The following EXO5 variants were observed in gnomAD, a reference collection of about 807,000 sequenced individuals.
EXO5 encodes exonuclease 5.
Under a neutral mutation model 17.8 loss-of-function variants are expected in EXO5, and 11 were observed. That is an observed-to-expected ratio of 0.62 (90% CI 0.39 to 1.02). EXO5 has a LOEUF of 1.02. Among genes scored for constraint, EXO5 ranks in the 50% least tolerant of loss-of-function variants. EXO5 has a pLI of 0.00. For synonymous variants in EXO5, 147 were observed against 166.5 expected, an observed-to-expected ratio of 0.88 and a Z score of 0.90; for missense variants, 364 against 434.8, an observed-to-expected ratio of 0.84 and a Z score of 1.45.
rs762026941 is a variant in EXO5 at position 40,514,930 on chromosome 1, A to T, written c.386A>T (p.His129Leu). ...SIHLARELELHDLVTVPVTTK... is the reference protein window; with the variant it reads ...SIHLARELELLDLVTVPVTTK... ...CACCTAGCTAGAGAACTAGAACTTC[A>T]TGATCTTGTGACTGTCCCAGTCACC... is the stretch of plus-strand genomic sequence containing the variant. The change falls in exon 4 of 4, where the codon CAT (histidine) becomes CTT (leucine). Residue 129 changes from histidine (H) to leucine (L), a missense_variant. Transcript: ENST00000415550. 6.2e-7 allele frequency: 1 copy of T among 1,614,170 alleles called. No homozygotes were observed. The highest frequency in any genetic ancestry group is 8.5e-7 in the Non-Finnish European group (1 of 1,180,026).
chr1:40,515,641 C>A lies in EXO5; in HGVS notation c.1097C>A (p.Ala366Glu). Residue 366 changes from alanine to glutamate, a missense_variant, in exon 4 of 4, where the codon GCG becomes GAG. Transcript: ENST00000415550. ...KGSGVLSSTL[A>E]PQVKKAK ...AGTGGAGTGCTCAGCTCTACACTGG[C>A]GCCCCAAGTCAAAAAAGCCAAATGA... 1 of 1,610,416 alleles carries A rather than the reference C, an allele frequency of 6.2e-7. No individual in the cohort carries two copies. Among genetic ancestry groups the A allele is most frequent in the Non-Finnish European group, 8.5e-7 (1 of 1,178,792 alleles).
rs114865185 is a variant in EXO5 at position 40,515,052 on chromosome 1, G to T, written c.508G>T (p.Gly170Trp). The T allele has an allele frequency of 5.5e-5, 88 of 1,614,126 alleles. No homozygotes were observed. In the African/African-American group the frequency reaches 1.1e-3, roughly 20 times the overall value. The change falls in exon 4 of 4, where the codon GGG becomes TGG. Residue 170 changes from glycine to tryptophan, a missense_variant. Gly to Trp is a radical substitution (Grantham distance 184, BLOSUM62 -2). Transcript: ENST00000415550. ...GCACATCAGAGAGTTTCCAGTGTTT[G>T]GGGAAGGGGAGGGTGTACTTCTTGT... ...EGHIREFPVF[G>W]EGEGVLLVGV...
In EXO5 at chr1:40,509,791, G is replaced by A. The variant is rs1314242804; in HGVS notation, c.-31+1G>A. ...AGGAGGAAGATCAACGAAGTCACAG[G>A]TGAATAGGAGTTTCTCTTCTAAAGT... On this transcript the variant is annotated splice_donor_variant, in intron 3 of 3. Transcript: ENST00000415550. LOFTEE classifies it low-confidence loss of function (5UTR_SPLICE). 1.3e-5 allele frequency: 2 copies of A among 152,234 alleles called. No homozygotes were observed. The highest frequency in any genetic ancestry group is 2.4e-5 in the African/African-American group (1 of 41,456). The allele number at this position is 152,234 out of a possible 1,614,324, so 9.4% of individuals were successfully genotyped here. A position where few individuals can be genotyped will look rare whatever the true frequency, so the allele number is the denominator to read the frequency against.
In EXO5 at chr1:40,514,996, T is replaced by C. The variant is rs35672330; in HGVS notation, c.452T>C (p.Leu151Pro). The C allele has an allele frequency of 0.056, 90,908 of 1,614,046 alleles. 2,900 individuals carry two copies. The highest frequency in any genetic ancestry group is 0.066 in the Non-Finnish European group (77,952 of 1,179,968). ...TGGGCAATTAAGTTTCTGAACATAC[T>C]TTTGCTGATTCCTACCCTGCAGTCA... ...DAWAIKFLNI[L>P]LLIPTLQSEG... The change falls in exon 4 of 4, where the codon CTT (leucine) becomes CCT (proline). Residue 151 changes from leucine to proline, a missense_variant. Physicochemically the swap from Leu to Pro is moderately conservative, Grantham distance 98. Transcript: ENST00000415550.
At chr1:40,511,941 G>T (rs4660413) in intron 3 of EXO5, among the ~76,000 whole-genome samples, 26 of 151,340 alleles carry the variant, frequency 1.7e-4, no homozygotes, top group African/African-American at 6.1e-4. Context: ...CACAGTGGTG[G>T]GATCTCAGCT....
At chr1:40,512,751 G>A (rs1413349664) in intron 3 of EXO5, among the ~76,000 whole-genome samples, 23 of 152,114 alleles carry the variant, frequency 1.5e-4, no homozygotes, top group Admixed American at 8.5e-4. Context: ...ACAGGTGCCC[G>A]CCACCACACC....
At chr1:40,512,120 G>C (rs980418450) in intron 3 of EXO5, among the ~76,000 whole-genome samples, 1 of 152,092 alleles carries the variant, frequency 6.6e-6, no homozygotes, top group African/African-American at 2.4e-5. Context: ...CTCATGATCC[G>C]CCCGCCTTGG....
intron 3 of EXO5, 143 bp from the exon 4 acceptor site, chr1:40,514,372 C>A: frequency 1.6e-6 from 1 of 627,658 alleles, no homozygotes; most frequent in Non-Finnish European, 2.7e-6. Context: ...CAAGGCATTA[C>A]TAATTGGTCA....
In EXO5 at chr1:40,515,726, G is replaced by A; in HGVS notation, c.*60G>A. On this transcript the variant is annotated 3_prime_UTR_variant, in exon 4 of 4. Transcript: ENST00000415550. ...CTGCTCCTGTTGTACCTAAGCAAAAGAGGACCAGTCTCTGAGCTTGGCTTT... is the reference window on the plus strand; with the variant it reads ...CTGCTCCTGTTGTACCTAAGCAAAAAAGGACCAGTCTCTGAGCTTGGCTTT... 6.5e-7 allele frequency: 1 copy of A among 1,527,378 alleles called. No individual in the cohort carries two copies. The highest frequency in any genetic ancestry group is 1.9e-4 in the Middle Eastern group (1 of 5,402). 94.6% of individuals were successfully genotyped at this position (1,527,378 alleles called of 1,614,324 possible). A position where few individuals can be genotyped will look rare whatever the true frequency, so the allele number is the denominator to read the frequency against.
In EXO5 at chr1:40,514,980, A is replaced by C. The variant is rs371429664; in HGVS notation, c.436A>C (p.Lys146Gln). 5 of 1,613,986 alleles carry C rather than the reference A, an allele frequency of 3.1e-6. No homozygotes were observed. The East Asian group carries it at 8.9e-5, about 29-fold the overall frequency. The change falls in exon 4 of 4, where the codon AAG becomes CAG. Residue 146 changes from lysine (K) to glutamine (Q), a missense_variant. Lys to Gln is a moderately conservative substitution (Grantham distance 53). Transcript: ENST00000415550. ...CACTAAAGAAGATGCTTGGGCAATT[A>C]AGTTTCTGAACATACTTTTGCTGAT... ...VTTKEDAWAI[K>Q]FLNILLLIPT...
intron 3 of EXO5, among the ~76,000 whole-genome samples, chr1:40,510,829 T>G (rs1437985482): frequency 6.6e-6 from 1 of 152,260 alleles, no homozygotes; most frequent in Non-Finnish European, 1.5e-5. Context: ...TACTAATGGC[T>G]ACCATATTGG....
At position 40,514,589 on chromosome 1, in the gene EXO5, A is replaced by G; in HGVS notation, c.45A>G (p.Ser15=). 6.2e-7 allele frequency: 1 copy of G among 1,614,156 alleles called. No individual in the cohort carries two copies. Among genetic ancestry groups the G allele is most frequent in the Non-Finnish European group, 8.5e-7 (1 of 1,180,012 alleles). ...AGGAGACAGTGTCAGCAGAAGCCTC[A>G]GGGTTCTCAGACTTGAGTGACTCAG... ...REEETVSAEA[S]GFSDLSDSEF... is the part of the protein sequence containing the mutation. Residue 15 remains serine, a synonymous_variant, in exon 4 of 4, where the codon TCA becomes TCG. Coordinates refer to ENST00000415550, the MANE Select transcript of EXO5 (RefSeq NM_001346953.2).
At chr1:40,512,945 GA>G (rs1485659197) in intron 3 of EXO5, among the ~76,000 whole-genome samples, 1 of 152,018 alleles carries the variant, frequency 6.6e-6, no homozygotes, top group East Asian at 1.9e-4. Flanking sequence ...AAAGTTGAAA[GA>G]AAAAAGGAGT....
At position 40,515,064 on chromosome 1, in the gene EXO5, G is replaced by A. The variant is rs1645857546; in HGVS notation, c.520G>A (p.Gly174Ser). The A allele has an allele frequency of 6.2e-7, 1 of 1,613,976 alleles. No individual in the cohort carries two copies. The highest frequency in any genetic ancestry group is 1.3e-5 in the African/African-American group (1 of 74,900). Residue 174 changes from glycine (G) to serine (S), a missense_variant, in exon 4 of 4, where the codon GGT becomes AGT. Physicochemically the swap from Gly to Ser is moderately conservative, Grantham distance 56. Transcript: ENST00000415550. Reference sequence around the variant, plus strand: ...GTTTCCAGTGTTTGGGGAAGGGGAGGGTGTACTTCTTGTTGGAGTGATTGA... The same window carrying A: ...GTTTCCAGTGTTTGGGGAAGGGGAGAGTGTACTTCTTGTTGGAGTGATTGA... ...REFPVFGEGE[G>S]VLLVGVIDEL...
At chr1:40,513,579 TCTC>T (rs1645820491) in intron 3 of EXO5, among the ~76,000 whole-genome samples, 1 of 147,978 alleles carries the variant, frequency 6.8e-6, no homozygotes, top group Non-Finnish European at 1.5e-5. Context: ...AAACCTCAAA[TCTC>T]CTTTTTTTTT....
In EXO5 at chr1:40,515,140, C is replaced by CA; in HGVS notation, c.597dup (p.Arg200ThrfsTer27). Reference sequence around the variant, plus strand: ...GAACTGGAGCTGGCGGAACTCAAGACACGCAGGCGCCCTATGCTCCCTCTG... The same window carrying CA: ...GAACTGGAGCTGGCGGAACTCAAGACAACGCAGGCGCCCTATGCTCCCTCTG... On this transcript the variant is annotated frameshift_variant, in exon 4 of 4. Transcript: ENST00000415550. LOFTEE classifies it high-confidence loss of function. The CA allele has an allele frequency of 6.2e-7, 1 of 1,614,112 alleles. No homozygotes were observed. The highest frequency in any genetic ancestry group is 8.5e-7 in the Non-Finnish European group (1 of 1,180,032).
In EXO5 at chr1:40,514,830, A is replaced by G. The variant is rs758198157; in HGVS notation, c.286A>G (p.Thr96Ala). 6.2e-7 allele frequency: 1 copy of G among 1,614,206 alleles called. No homozygotes were observed. The highest frequency in any genetic ancestry group is 8.5e-7 in the Non-Finnish European group (1 of 1,180,036). ...TACTCAGAACTGGTGTGAACTGCAA[A>G]CAGCATATGGGAAGGAGCTTCCTGG... ...LATQNWCELQ[T>A]AYGKELPGFL... Residue 96 changes from threonine to alanine, a missense_variant, in exon 4 of 4, where the codon ACA (threonine) becomes GCA (alanine). Coordinates refer to ENST00000415550, the MANE Select transcript of EXO5 (RefSeq NM_001346953.2).
At position 40,515,483 on chromosome 1, in the gene EXO5, G is replaced by A. The variant is rs749935225; in HGVS notation, c.939G>A (p.Lys313=). ...LGTEIVAFKE[K]EVRAKVQHYM... Reference sequence around the variant, plus strand: ...CTGAGATTGTAGCCTTCAAAGAGAAGGAGGTGAGAGCCAAGGTGCAGCATT... The same window carrying A: ...CTGAGATTGTAGCCTTCAAAGAGAAAGAGGTGAGAGCCAAGGTGCAGCATT... The change falls in exon 4 of 4, where the codon AAG becomes AAA. Residue 313 remains lysine (K), a synonymous_variant. Transcript: ENST00000415550. The A allele has an allele frequency of 6.2e-7, 1 of 1,614,050 alleles. No homozygotes were observed. The highest frequency in any genetic ancestry group is 2.2e-5 in the East Asian group (1 of 44,872).
Position 40,515,377 on chromosome 1 carries a change from C to CTCTA in EXO5, c.834_837dup (p.Thr280SerfsTer10). On this transcript the variant is annotated frameshift_variant, in exon 4 of 4. Transcript: ENST00000415550. LOFTEE classifies it high-confidence loss of function. Reference sequence around the variant, plus strand: ...GACCTCATGGAACTTGTCTTCTTGTCTCTAACACTGTCAGACCTCCCAGTT... The same window carrying CTCTA: ...GACCTCATGGAACTTGTCTTCTTGTCTCTATCTAACACTGTCAGACCTCCCAGTT... 1 of 1,613,968 alleles carries CTCTA rather than the reference C, an allele frequency of 6.2e-7. No homozygotes were observed. The highest frequency in any genetic ancestry group is 8.5e-7 in the Non-Finnish European group (1 of 1,179,998).
Sources: allele counts gnomAD v4.1 joint callset (sites outside exome capture counted in the v4.1 genomes callset), GRCh38; gene constraint gnomAD v4.1.1; transcripts MANE v1.5; gene names NCBI Gene and HGNC (gene_info 2026-07-23, HGNC 2026-07-21).